DLG2: variants seen among roughly 807,000 people sequenced by gnomAD.
DLG2 encodes disks large homolog 2.
DLG2 carries 45 observed loss-of-function variants against 132.5 expected under a neutral mutation model. The observed-to-expected ratio is 0.34, with a 90% confidence interval of 0.27 to 0.44. DLG2 has a LOEUF of 0.44. DLG2 is among the 20% of genes least tolerant of loss of function. DLG2 has a pLI of 1.00. For synonymous variants in DLG2, 424 were observed against 419.6 expected (o/e 1.01, Z -0.13); for missense variants, 1,045 against 1,196.9 (o/e 0.87, Z 1.87).
intron 3 of DLG2, among the ~76,000 whole-genome samples, chr11:85,590,237 C>A (rs955478991): frequency 1.3e-5 from 2 of 152,170 alleles, no homozygotes; most frequent in South Asian, 4.1e-4. Flanking sequence ...TCATTCCATG[C>A]CAGATTTGGC....
chr11:83,867,784 C>T (rs1039010315), intron 16 of DLG2, among the ~76,000 whole-genome samples: 1 of 152,174 alleles, frequency 6.6e-6, no homozygotes, highest in Non-Finnish European at 1.5e-5. Context: ...GAACCCATGT[C>T]TTCATAGCCC....
intron 7 of DLG2, among the ~76,000 whole-genome samples, chr11:84,373,249 C>CAAAAAACAAAA (rs2098713419): frequency 2.4e-5 from 1 of 41,664 alleles, no homozygotes; most frequent in African/African-American, 1.3e-4. Flanking sequence ...AAGAAACAGT[C>CAAAAAACAAAA]AAAAAAAAAA....
chr11:84,687,968 T>C (rs1005104816), intron 6 of DLG2, among the ~76,000 whole-genome samples: 2 of 152,156 alleles, frequency 1.3e-5, no homozygotes, highest in Admixed American at 6.5e-5. Flanking sequence ...CTGAACTTCA[T>C]AGAAGTAGCA....
At chr11:84,032,636 T>C (rs1184303713) in intron 11 of DLG2, among the ~76,000 whole-genome samples, 1 of 152,202 alleles carries the variant, frequency 6.6e-6, no homozygotes, top group Admixed American at 6.5e-5. Flanking sequence ...AGATCATTGA[T>C]GAAGGCAACT....
chr11:83,683,110 C>T (rs1481109459), intron 18 of DLG2, among the ~76,000 whole-genome samples: 3 of 152,196 alleles, frequency 2.0e-5, no homozygotes, highest in Non-Finnish European at 4.4e-5. Flanking sequence ...AGTGCCTGAG[C>T]TTTTTGTTCC....
chr11:84,110,747 A>G (rs2093301317), intron 9 of DLG2, among the ~76,000 whole-genome samples: 1 of 152,154 alleles, frequency 6.6e-6, no homozygotes, highest in Admixed American at 6.5e-5. Context: ...TAGATTTCAG[A>G]TTTTAGAGCT....
chr11:84,080,346 A>C (rs1214471409), intron 10 of DLG2, among the ~76,000 whole-genome samples: 1 of 152,152 alleles, frequency 6.6e-6, no homozygotes, highest in Non-Finnish European at 1.5e-5. Flanking sequence ...CCCTGAAACT[A>C]CCTTCCCTCA....
chr11:84,111,174 T>C (rs2093330691), intron 9 of DLG2, among the ~76,000 whole-genome samples: 1 of 152,236 alleles, frequency 6.6e-6, no homozygotes, highest in South Asian at 2.1e-4. Flanking sequence ...CAGGATTGCA[T>C]AGTACCTGTA....
intron 4 of DLG2, among the ~76,000 whole-genome samples, chr11:85,283,669 T>G (rs1041645003): frequency 6.6e-6 from 1 of 151,854 alleles, no homozygotes; most frequent in Non-Finnish European, 1.5e-5. Flanking sequence ...AACTGCAATA[T>G]AAAGCATTAA....
chr11:84,265,162 A>G (rs1175672853), intron 7 of DLG2, among the ~76,000 whole-genome samples: 1 of 152,148 alleles, frequency 6.6e-6, no homozygotes, highest in African/African-American at 2.4e-5. Flanking sequence ...CATCAATATC[A>G]TGTGGTTCTT....
chr11:83,840,906 C>T (rs917746450), intron 16 of DLG2, among the ~76,000 whole-genome samples: 10 of 152,184 alleles, frequency 6.6e-5, no homozygotes, highest in Non-Finnish European at 1.5e-4. Flanking sequence ...TTTTCAGTTT[C>T]TCCCATTCTG....
intron 19 of DLG2, among the ~76,000 whole-genome samples, chr11:83,560,052 T>C (rs2096584828): frequency 6.6e-6 from 1 of 151,962 alleles, no homozygotes; most frequent in South Asian, 2.1e-4. Flanking sequence ...TGATACATGG[T>C]GAAATTAGAA....
intron 6 of DLG2, among the ~76,000 whole-genome samples, chr11:85,072,116 A>G (rs906577085): frequency 1.3e-5 from 2 of 151,850 alleles, no homozygotes; most frequent in African/African-American, 2.4e-5. Flanking sequence ...CATTGTCCTC[A>G]TTGTTACAAT....
intron 6 of DLG2, chr11:84,545,249 C>T (rs539566554): frequency 4.2e-6 from 2 of 481,668 alleles, no homozygotes; most frequent in Non-Finnish European, 4.1e-6. Context: ...CTTCTGCCTC[C>T]TAAGGTTTCT....
intron 3 of DLG2, among the ~76,000 whole-genome samples, chr11:85,501,136 T>A (rs1468062559): frequency 2.0e-5 from 3 of 152,148 alleles, no homozygotes; most frequent in African/African-American, 7.2e-5. Context: ...CCACCTGATC[T>A]TTGACAAACC....
intron 9 of DLG2, among the ~76,000 whole-genome samples, chr11:84,121,859 C>G (rs2093939231): frequency 6.6e-6 from 1 of 151,252 alleles, no homozygotes. Context: ...CCGCGCCCAG[C>G]CTTTCCTTGC....
At chr11:84,267,473 C>T (rs74724029) in intron 7 of DLG2, among the ~76,000 whole-genome samples, 333 of 152,322 alleles carry the variant, frequency 2.2e-3, no homozygotes, top group African/African-American at 7.6e-3. Context: ...GCACTGTATC[C>T]TATTCCTGTA....
Position 83,860,693 on chromosome 11 carries a change from T to C in DLG2, c.1565+13727A>G, listed in dbSNP as rs564959737. ...TTTGGGGGACTGTTGGGAGGCATGA[T>C]TGATTTTGAAATGTTAGGACATGAC... On this transcript the variant is annotated intron_variant, in intron 16 of 27. Coordinates refer to ENST00000376104, the MANE Select transcript of DLG2 (RefSeq NM_001142699.3). Among the ~76,000 whole-genome samples, 3 of 152,214 alleles carry C rather than the reference T, an allele frequency of 2.0e-5. No homozygotes were observed. In the South Asian group the frequency reaches 6.2e-4, roughly 32 times the overall value.
At chr11:85,429,084 C>T (rs1232322642) in intron 3 of DLG2, among the ~76,000 whole-genome samples, 1 of 152,010 alleles carries the variant, frequency 6.6e-6, no homozygotes, top group South Asian at 2.1e-4. Context: ...CTAGGAAGAA[C>T]TTGAATCTCT....
Sources: gnomAD v4.1 joint callset for allele counts (sites outside exome capture counted in the v4.1 genomes callset) on GRCh38, gnomAD v4.1.1 for gene constraint, MANE v1.5 for transcripts, NCBI Gene and HGNC (gene_info 2026-07-23, HGNC 2026-07-21) for gene names.